The following CNGB3 variants were observed in gnomAD, a reference collection of about 807,000 sequenced individuals.
CNGB3 encodes cyclic nucleotide gated channel subunit beta 3.
CNGB3 carries 86 observed loss-of-function variants against 92.8 expected under a neutral mutation model. That is an observed-to-expected ratio of 0.93 (90% CI 0.78 to 1.11). CNGB3 has a LOEUF of 1.11. CNGB3 is among the 50% of genes least tolerant of loss of function. The pLI, the probability that CNGB3 is intolerant of heterozygous loss-of-function variation, is 0.00. For synonymous variants in CNGB3, 333 were observed against 332.7 expected (o/e 1.00, Z -0.01); for missense variants, 1,026 against 956.8 (o/e 1.07, Z -0.95).
chr8:86,577,661 T>C (rs1212796124), intron 17 of CNGB3, among the ~76,000 whole-genome samples: 1 of 152,202 alleles, frequency 6.6e-6, no homozygotes, highest in Non-Finnish European at 1.5e-5. Context: ...ATTGATTAAT[T>C]TGAGGTATTA....
chr8:86,689,867 C>T (rs1360718263), intron 3 of CNGB3, among the ~76,000 whole-genome samples: 1 of 152,148 alleles, frequency 6.6e-6, no homozygotes, highest in African/African-American at 2.4e-5. Flanking sequence ...CCAGCTTCAT[C>T]CATGTCTCTA....
intron 15 of CNGB3, among the ~76,000 whole-genome samples, chr8:86,598,660 C>T (rs1387585515): frequency 6.6e-6 from 1 of 152,186 alleles, no homozygotes; most frequent in Non-Finnish European, 1.5e-5. Flanking sequence ...GCTTCTAGTG[C>T]TGCCAGGCAT....
chr8:86,631,436 A>C (rs1416158598), intron 11 of CNGB3, among the ~76,000 whole-genome samples: 1 of 152,200 alleles, frequency 6.6e-6, no homozygotes, highest in Non-Finnish European at 1.5e-5. Flanking sequence ...TGGTTCTTCC[A>C]TACGACCCTA....
chr8:86,653,071 C>T (rs1347405743), intron 7 of CNGB3, among the ~76,000 whole-genome samples: 1 of 151,974 alleles, frequency 6.6e-6, no homozygotes, highest in Non-Finnish European at 1.5e-5. Flanking sequence ...AGGGATTTTT[C>T]GGCTCCCTTA....
At chr8:86,622,258 T>A (rs1412350934) in intron 13 of CNGB3, among the ~76,000 whole-genome samples, 1 of 152,166 alleles carries the variant, frequency 6.6e-6, no homozygotes, top group African/African-American at 2.4e-5. Flanking sequence ...GTAAGTCTCA[T>A]TCCTTGTTCA....
intron 13 of CNGB3, among the ~76,000 whole-genome samples, chr8:86,624,361 G>A (rs1822802527): frequency 6.6e-6 from 1 of 152,238 alleles, no homozygotes; most frequent in African/African-American, 2.4e-5. Context: ...AGAGGTTGCA[G>A]TGGGCTGGGA....
intron 3 of CNGB3, among the ~76,000 whole-genome samples, chr8:86,685,702 G>A (rs1386942477): frequency 6.6e-6 from 1 of 152,036 alleles, no homozygotes; most frequent in Non-Finnish European, 1.5e-5. Flanking sequence ...TAGAAGGTTA[G>A]AAACAAATTA....
chr8:86,577,843 T>C (rs1305935309), intron 17 of CNGB3, among the ~76,000 whole-genome samples: 1 of 152,152 alleles, frequency 6.6e-6, no homozygotes. Flanking sequence ...ATCACACACA[T>C]GCAAAAAGCA....
At chr8:86,660,820 C>A (rs1585999875) in intron 6 of CNGB3, 1 of 464,012 alleles carries the variant, frequency 2.2e-6, no homozygotes, top group East Asian at 5.8e-5. Flanking sequence ...CTATGAATAC[C>A]AATACTAATA....
At position 86,732,689 on chromosome 8, in the gene CNGB3, T is replaced by C. The variant is rs59032036; in HGVS notation, c.212-6032A>G. ...GCACAATTAGGAATTTTCTTCATCA[T>C]CTCAAACTAGAAAGCATGTAATATT... On this transcript the variant is annotated intron_variant, in intron 2 of 17. Coordinates refer to ENST00000320005, the MANE Select transcript of CNGB3 (RefSeq NM_019098.5). 8.0e-3 allele frequency among the ~76,000 whole-genome samples: 1,224 copies of C among 152,314 alleles called. 19 individuals carry two copies. The highest frequency in any genetic ancestry group is 0.028 in the African/African-American group (1,169 of 41,574).
In CNGB3 at chr8:86,686,689, G is replaced by A. The variant is rs578249378; in HGVS notation, c.339-15591C>T. 4.6e-5 allele frequency among the ~76,000 whole-genome samples: 7 copies of A among 152,114 alleles called. No individual in the cohort carries two copies. The South Asian group carries it at 8.3e-4, about 18-fold the overall frequency. On this transcript the variant is annotated intron_variant, in intron 3 of 17. Coordinates refer to ENST00000320005, the MANE Select transcript of CNGB3 (RefSeq NM_019098.5). Reference sequence around the variant, plus strand: ...GGCTGGGATTACTATGGTTCCTACCGTGCTATCTGTGGTACTAGGTTCTTA... The same window carrying A: ...GGCTGGGATTACTATGGTTCCTACCATGCTATCTGTGGTACTAGGTTCTTA...
intron 3 of CNGB3, among the ~76,000 whole-genome samples, chr8:86,718,410 AAACTT>A (rs745589920): frequency 5.3e-5 from 8 of 152,152 alleles, no homozygotes; most frequent in Non-Finnish European, 1.0e-4. Context: ...ATAAACTAGA[AAACTT>A]AGAGAAGATG....
At position 86,726,422 on chromosome 8, in the gene CNGB3, A is replaced by T. The variant is rs765944274; in HGVS notation, c.338+109T>A. The T allele has an allele frequency of 2.9e-5, 43 of 1,483,470 alleles. No individual in the cohort carries two copies. In the East Asian group the frequency reaches 9.3e-4, roughly 32 times the overall value. The allele number at this position is 1,483,470 out of a possible 1,614,324, so 91.9% of individuals were successfully genotyped here. ...TTTTTTTGTGTTATGTGACTATTGA[A>T]TTTTTTCTGCCCTTATATTCAGCTA... On this transcript the variant is annotated intron_variant, in intron 3 of 17. Transcript: ENST00000320005.
chr8:86,683,600 G>T (rs768089412), intron 3 of CNGB3, among the ~76,000 whole-genome samples: 34 of 152,050 alleles, frequency 2.2e-4, no homozygotes, highest in Non-Finnish European at 4.7e-4. Flanking sequence ...TTTTCATGAA[G>T]ACATTTATAC....
At chr8:86,680,464 G>A (rs1366233087) in intron 3 of CNGB3, among the ~76,000 whole-genome samples, 1 of 152,192 alleles carries the variant, frequency 6.6e-6, no homozygotes, top group African/African-American at 2.4e-5. Context: ...GAATACAAGG[G>A]ACCAGAAGGG....
intron 2 of CNGB3, among the ~76,000 whole-genome samples, chr8:86,736,186 G>A (rs932902642): frequency 6.6e-6 from 1 of 152,162 alleles, no homozygotes; most frequent in African/African-American, 2.4e-5. Flanking sequence ...TTATGACATT[G>A]CACCTGCATG....
In CNGB3 at chr8:86,662,901, T is replaced by C. The variant is rs187745801; in HGVS notation, c.852+4024A>G. Among the ~76,000 whole-genome samples, 696 of 152,310 alleles carry C rather than the reference T, an allele frequency of 4.6e-3. 4 individuals carry two copies. The highest frequency in any genetic ancestry group is 0.016 in the African/African-American group (655 of 41,560). Reference sequence around the variant, plus strand: ...TGTCTTTAGCTGAACTAAGGAAAAGTCCTGCAACAGTACGACTATTCCCAT... The same window carrying C: ...TGTCTTTAGCTGAACTAAGGAAAAGCCCTGCAACAGTACGACTATTCCCAT... On this transcript the variant is annotated intron_variant, in intron 6 of 17. Coordinates refer to ENST00000320005, the MANE Select transcript of CNGB3 (RefSeq NM_019098.5).
intron 17 of CNGB3, among the ~76,000 whole-genome samples, chr8:86,578,412 A>G (rs976956435): frequency 1.3e-5 from 2 of 152,192 alleles, no homozygotes; most frequent in African/African-American, 4.8e-5. Flanking sequence ...ACCAATATAG[A>G]ATCTGCAAAT....
chr8:86,659,055 G>A, intron 6 of CNGB3: 1 of 919,028 alleles, frequency 1.1e-6, no homozygotes, highest in Non-Finnish European at 1.7e-6. Context: ...CTCCACCTCA[G>A]AGGGCCCTGC....
Sources: allele counts gnomAD v4.1 joint callset (sites outside exome capture counted in the v4.1 genomes callset), GRCh38; gene constraint gnomAD v4.1.1; transcripts MANE v1.5; gene names NCBI Gene and HGNC (gene_info 2026-07-23, HGNC 2026-07-21).